The following PTPRO variants were observed in gnomAD, a reference collection of about 807,000 sequenced individuals.
PTPRO encodes the protein receptor-type tyrosine-protein phosphatase O.
A neutral mutation model predicts 145.2 loss-of-function variants in PTPRO; 62 were observed. The ratio of observed to expected loss-of-function variants is 0.43; its 90% CI spans 0.35 to 0.53. PTPRO has a LOEUF of 0.53. Among genes scored for constraint, PTPRO ranks in the 20% least tolerant of loss-of-function variants. The probability of loss-of-function intolerance (pLI) is 0.01; values close to 1 mark genes in which losing one functional copy is unlikely to be tolerated. For missense variants in PTPRO, 1,345 were observed against 1,482.7 expected, an observed-to-expected ratio of 0.91 and a Z score of 1.53; for synonymous variants, 565 against 514.7, an observed-to-expected ratio of 1.10 and a Z score of -1.32.
Position 15,392,720 on chromosome 12 carries a change from C to CAAAAAAAA in PTPRO, c.75+69934_75+69941dup, listed in dbSNP as rs1177789187. Among the ~76,000 whole-genome samples the CAAAAAAAA allele has an allele frequency of 5.6e-3, 374 of 66,606 alleles. 5 individuals carry two copies. Among genetic ancestry groups the CAAAAAAAA allele is most frequent in the East Asian group, 0.033 (67 of 2,048 alleles). 43.7% of individuals were successfully genotyped at this position (66,606 alleles called of 152,430 possible). On this transcript the variant is annotated intron_variant, in intron 1 of 26. Coordinates refer to ENST00000281171, the MANE Select transcript of PTPRO (RefSeq NM_030667.3). ...TGGGTGACAGAGTGAGACCCTGTCTCAAAAAAAAAAAAAAAAAAAAAAGAA... is the reference window on the plus strand; with the variant it reads ...TGGGTGACAGAGTGAGACCCTGTCTCAAAAAAAAAAAAAAAAAAAAAAAAAAAAAAGAA...
chr12:15,490,940 G>C (rs117831894), intron 2 of PTPRO, among the ~76,000 whole-genome samples: 1 of 152,146 alleles, frequency 6.6e-6, no homozygotes. Context: ...TGAGAATGGA[G>C]GCAGGGAGAA....
At chr12:15,513,205 G>T (rs1297818872) in intron 7 of PTPRO, among the ~76,000 whole-genome samples, 2 of 101,418 alleles carry the variant, frequency 2.0e-5, no homozygotes, top group African/African-American at 9.9e-5. Flanking sequence ...AAGAAAGAAA[G>T]AAAGAAAGAA....
rs1939057613 is a variant in PTPRO at position 15,387,347 on chromosome 12, A to AT, written c.75+64552dup. Among the ~76,000 whole-genome samples the AT allele has an allele frequency of 3.6e-5, 5 of 137,748 alleles. No homozygotes were observed. The South Asian group carries it at 1.3e-3, about 35-fold the overall frequency. 90.4% of individuals were successfully genotyped at this position (137,748 alleles called of 152,430 possible). A position where few individuals can be genotyped will look rare whatever the true frequency, so the allele number is the denominator to read the frequency against. ...AAAAGTCCAAACTCTTTAACATGCT[A>AT]TTTTTTAAAAGCCCGGGGTTGGGGA... On this transcript the variant is annotated intron_variant, in intron 1 of 26. Coordinates refer to ENST00000281171, the MANE Select transcript of PTPRO (RefSeq NM_030667.3).
At chr12:15,490,769 A>T (rs930234922) in intron 2 of PTPRO, among the ~76,000 whole-genome samples, 3 of 152,208 alleles carry the variant, frequency 2.0e-5, no homozygotes, top group Non-Finnish European at 4.4e-5. Context: ...ATAGAAAGTT[A>T]CTCAAGGTGT....
At position 15,524,815 on chromosome 12, in the gene PTPRO, C is replaced by A. The variant is rs1233292424; in HGVS notation, c.1893C>A (p.Ala631=). The change falls in exon 11 of 27, where the codon GCC becomes GCA. Residue 631 remains alanine, a splice_region_variant and synonymous_variant. Transcript: ENST00000281171. ...TTGTGCCTCGTTTCTCCCTTGTAGC[C>A]CCAGTGGCTCCGGAAATCACTTCTG... is the stretch of plus-strand genomic sequence containing the variant. ...CDSSTISFIT[A]PVAPEITSVE... The A allele has an allele frequency of 6.2e-7, 1 of 1,612,374 alleles. No individual in the cohort carries two copies. Among genetic ancestry groups the A allele is most frequent in the Non-Finnish European group, 8.5e-7 (1 of 1,178,608 alleles).
intron 1 of PTPRO, among the ~76,000 whole-genome samples, chr12:15,456,947 A>T (rs6488777): frequency 0.86 from 130,707 of 152,116 alleles, 59,055 homozygotes; most frequent in Non-Finnish European, 0.99. Flanking sequence ...TTTTTCTATT[A>T]TATATTTCAT....
chr12:15,504,080 A>G lies in PTPRO; in HGVS notation c.1267+11A>G. The G allele has an allele frequency of 6.2e-7, 1 of 1,605,230 alleles. No homozygotes were observed. The highest frequency in any genetic ancestry group is 8.5e-7 in the Non-Finnish European group (1 of 1,172,202). On this transcript the variant is annotated intron_variant, in intron 6 of 26. Coordinates refer to ENST00000281171, the MANE Select transcript of PTPRO (RefSeq NM_030667.3). The stretch of plus-strand genomic sequence containing the variant: ...TCAGCTTTTATATCAGTAAGTAACA[A>G]AGAGATCATTTTACACTTACTGGGG...
At chr12:15,543,515 T>C (rs1270491254) in intron 12 of PTPRO, among the ~76,000 whole-genome samples, 3 of 152,214 alleles carry the variant, frequency 2.0e-5, no homozygotes, top group Non-Finnish European at 4.4e-5. Flanking sequence ...AACCTCAGCG[T>C]GTCTGGTCTT....
At chr12:15,327,346 A>C (rs1866473966) in intron 1 of PTPRO, among the ~76,000 whole-genome samples, 1 of 152,102 alleles carries the variant, frequency 6.6e-6, no homozygotes, top group African/African-American at 2.4e-5. Flanking sequence ...GGGGAAATTG[A>C]TTTTTTTAAC....
intron 9 of PTPRO, among the ~76,000 whole-genome samples, chr12:15,519,959 A>G (rs1336842830): frequency 1.3e-5 from 2 of 152,198 alleles, no homozygotes; most frequent in Non-Finnish European, 2.9e-5. Flanking sequence ...AATCAAACAA[A>G]TATTGGAAAT....
At chr12:15,584,780 G>A (rs1478686761) in intron 23 of PTPRO, among the ~76,000 whole-genome samples, 1 of 151,908 alleles carries the variant, frequency 6.6e-6, no homozygotes, top group Non-Finnish European at 1.5e-5. Flanking sequence ...ATTCCATATT[G>A]ATATGTGGAA....
At chr12:15,515,875 T>C (rs112747124) in intron 8 of PTPRO, among the ~76,000 whole-genome samples, 1 of 151,902 alleles carries the variant, frequency 6.6e-6, no homozygotes, top group African/African-American at 2.4e-5. Flanking sequence ...AGTAAAGCTG[T>C]GTGCCGTGGC....
At chr12:15,499,328 T>A in intron 3 of PTPRO, 114 bp from the exon 4 acceptor site, 1 of 1,039,124 alleles carries the variant, frequency 9.6e-7, no homozygotes, top group South Asian at 1.3e-5. Context: ...CCCATAACAG[T>A]AGTTGAAGGA....
Position 15,457,120 on chromosome 12 carries a change from C to A in PTPRO, c.76-26854C>A, listed in dbSNP as rs896774434. Among the ~76,000 whole-genome samples the A allele has an allele frequency of 1.6e-4, 24 of 152,288 alleles. No homozygotes were observed. In the East Asian group the frequency reaches 2.1e-3, roughly 13 times the overall value. The stretch of plus-strand genomic sequence containing the variant: ...ATTTCTCCTGCCCTTGGACATCAGA[C>A]TCCAGGTTCTTCAGCCTTCGGACTC... On this transcript the variant is annotated intron_variant, in intron 1 of 26. Transcript: ENST00000281171.
At chr12:15,323,299 G>C (rs1424108207) in intron 1 of PTPRO, among the ~76,000 whole-genome samples, 1 of 152,116 alleles carries the variant, frequency 6.6e-6, no homozygotes, top group Non-Finnish European at 1.5e-5. Flanking sequence ...AATTTTCTTT[G>C]AATAAGGAGT....
chr12:15,353,257 G>A (rs1056026497), intron 1 of PTPRO, among the ~76,000 whole-genome samples: 18 of 151,910 alleles, frequency 1.2e-4, no homozygotes, highest in Middle Eastern at 3.4e-3. Flanking sequence ...ACTTCAAAAA[G>A]TTCAAGGACA....
chr12:15,360,426 A>G (rs1938138016), intron 1 of PTPRO, among the ~76,000 whole-genome samples: 1 of 152,180 alleles, frequency 6.6e-6, no homozygotes, highest in South Asian at 2.1e-4. Context: ...AATAAAATAT[A>G]ATCATAATGA....
At chr12:15,501,580 A>G (rs1395642734) in intron 4 of PTPRO, 40 bp from the exon 5 acceptor site, 2 of 1,549,836 alleles carry the variant, frequency 1.3e-6, no homozygotes, top group Non-Finnish European at 1.8e-6. Context: ...CTCTAATTGA[A>G]TTAAAAAATA....
intron 1 of PTPRO, among the ~76,000 whole-genome samples, chr12:15,446,709 A>T (rs1940911323): frequency 6.6e-6 from 1 of 151,504 alleles, no homozygotes; most frequent in Non-Finnish European, 1.5e-5. Flanking sequence ...GAAAGTTATA[A>T]TAGAAGTCCT....
Sources: gnomAD v4.1 joint callset for allele counts (sites outside exome capture counted in the v4.1 genomes callset) on GRCh38, gnomAD v4.1.1 for gene constraint, MANE v1.5 for transcripts, NCBI Gene and HGNC (gene_info 2026-07-23, HGNC 2026-07-21) for gene names.